The following PPFIA2 variants were observed in gnomAD, a reference collection of about 807,000 sequenced individuals.
The protein encoded by PPFIA2 is liprin-alpha-2.
PPFIA2 carries 46 observed loss-of-function variants against 175.5 expected under a neutral mutation model. The observed-to-expected ratio is 0.26, with a 90% CI of 0.21 to 0.34. The LOEUF (loss-of-function observed/expected upper bound fraction) is 0.34. Among genes scored for constraint, PPFIA2 ranks in the 10% least tolerant of loss-of-function variants. PPFIA2 has a pLI of 1.00. For missense variants in PPFIA2, 1,179 were observed against 1,506.1 expected, an observed-to-expected ratio of 0.78 and a Z score of 3.60; for synonymous variants, 568 against 511.4, an observed-to-expected ratio of 1.11 and a Z score of -1.49.
intron 3 of PPFIA2, among the ~76,000 whole-genome samples, chr12:81,678,707 G>A (rs922981917): frequency 6.6e-6 from 1 of 151,950 alleles, no homozygotes; most frequent in South Asian, 2.1e-4. Flanking sequence ...AGAGAATTAA[G>A]GCAATATAGA....
intron 3 of PPFIA2, among the ~76,000 whole-genome samples, chr12:81,687,776 T>C (rs1456157990): frequency 6.6e-6 from 1 of 151,824 alleles, no homozygotes; most frequent in Non-Finnish European, 1.5e-5. Flanking sequence ...ATAATTAATA[T>C]TAATTTTAAT....
At chr12:81,300,865 A>T (rs1229517792) in intron 22 of PPFIA2, among the ~76,000 whole-genome samples, 1 of 152,158 alleles carries the variant, frequency 6.6e-6, no homozygotes, top group African/African-American at 2.4e-5. Context: ...GTACTTATTG[A>T]ACACCTGTTG....
At chr12:81,431,676 C>T (rs1459665922) in intron 7 of PPFIA2, among the ~76,000 whole-genome samples, 1 of 152,130 alleles carries the variant, frequency 6.6e-6, no homozygotes, top group African/African-American at 2.4e-5. Context: ...CTTTTAAGAT[C>T]ATGAAGATTC....
intron 7 of PPFIA2, among the ~76,000 whole-genome samples, chr12:81,417,033 A>C (rs956522921): frequency 2.0e-5 from 3 of 151,810 alleles, no homozygotes; most frequent in Admixed American, 1.3e-4. Flanking sequence ...ATGTATGCTA[A>C]GAAGTATAAA....
At chr12:81,728,259 T>A (rs1168231895) in intron 3 of PPFIA2, among the ~76,000 whole-genome samples, 1 of 151,414 alleles carries the variant, frequency 6.6e-6, no homozygotes, top group East Asian at 1.9e-4. Flanking sequence ...AGGCTAAGAA[T>A]GGTTGAGAGT....
At chr12:81,525,794 C>T (rs1336755427) in intron 4 of PPFIA2, among the ~76,000 whole-genome samples, 1 of 152,130 alleles carries the variant, frequency 6.6e-6, no homozygotes, top group Non-Finnish European at 1.5e-5. Context: ...AAAACTGTTG[C>T]TCATCAGTGA....
chr12:81,295,366 A>T (rs534934806), intron 23 of PPFIA2, among the ~76,000 whole-genome samples: 10 of 152,358 alleles, frequency 6.6e-5, no homozygotes, highest in African/African-American at 2.4e-4. Context: ...GAACGGCTAC[A>T]AGCCACATTT....
chr12:81,267,936 TA>T lies in PPFIA2; in HGVS notation c.3461del (p.Leu1154TyrfsTer58). On this transcript the variant is annotated frameshift_variant, in exon 29 of 33. Transcript: ENST00000549396. LOFTEE classifies it high-confidence loss of function. ...CCTGGGTGTTCTGTGTTGGAATCTG[TA>T]ATAATAAAGCTAAGCTGCTGTAGTC... ...NFDYSSLALL[L>X]QIPTQNTQAR... 6.3e-7 allele frequency: 1 copy of T among 1,597,142 alleles called. No individual in the cohort carries two copies. The highest frequency in any genetic ancestry group is 2.3e-5 in the East Asian group (1 of 44,438).
At chr12:81,532,895 G>GT (rs1179609663) in intron 4 of PPFIA2, among the ~76,000 whole-genome samples, 8 of 151,740 alleles carry the variant, frequency 5.3e-5, no homozygotes, top group Admixed American at 5.3e-4. Flanking sequence ...AACTGAAGCA[G>GT]TTTTTCACTG....
intron 4 of PPFIA2, among the ~76,000 whole-genome samples, chr12:81,541,772 T>C (rs1282042667): frequency 6.6e-6 from 1 of 152,018 alleles, no homozygotes; most frequent in Non-Finnish European, 1.5e-5. Context: ...TCCTCAGGAG[T>C]TGACTTGTTC....
intron 4 of PPFIA2, among the ~76,000 whole-genome samples, chr12:81,504,017 G>T (rs559886514): frequency 6.6e-6 from 1 of 152,066 alleles, no homozygotes; most frequent in East Asian, 1.9e-4. Context: ...AAGTTAGACA[G>T]TGATATATTG....
rs1024853807 is a variant in PPFIA2, at chr12:81,579,709, C to CTGA, written c.303+97079_303+97081dup. ...CTTTCTAAAATATAATTATTTATAA[C>CTGA]TGAAGGAAGGCTCTGTGAATATTTA... On this transcript the variant is annotated intron_variant, in intron 4 of 32. Transcript: ENST00000549396. Among the ~76,000 whole-genome samples, 17 of 151,972 alleles carry CTGA rather than the reference C, an allele frequency of 1.1e-4. No individual in the cohort carries two copies. In the East Asian group the frequency reaches 3.1e-3, roughly 28 times the overall value.
chr12:81,755,378 C>T (rs1282413472), intron 2 of PPFIA2, among the ~76,000 whole-genome samples: 3 of 152,098 alleles, frequency 2.0e-5, no homozygotes, highest in Non-Finnish European at 4.4e-5. Context: ...CTTGGTTTTG[C>T]AAAAGGCTGA....
intron 4 of PPFIA2, among the ~76,000 whole-genome samples, chr12:81,487,084 C>T (rs951331780): frequency 5.9e-5 from 9 of 151,992 alleles, no homozygotes; most frequent in South Asian, 2.1e-4. Flanking sequence ...AAGAAAAACA[C>T]GTGATCATGC....
chr12:81,380,851 AC>A (rs1379077808), intron 9 of PPFIA2, among the ~76,000 whole-genome samples: 17 of 151,990 alleles, frequency 1.1e-4, no homozygotes, highest in African/African-American at 4.1e-4. Context: ...CATGTAATAC[AC>A]CCGTAATAGT....
intron 6 of PPFIA2, 137 bp downstream of exon 6, chr12:81,445,419 A>T (rs906864036): frequency 1.3e-6 from 1 of 748,056 alleles, no homozygotes; most frequent in African/African-American, 1.8e-5. Context: ...ACTTTTAAAA[A>T]ATGATTTTTC....
chr12:81,430,903 C>T (rs2047989067), intron 7 of PPFIA2: 2 of 152,086 alleles, frequency 1.3e-5, no homozygotes, highest in African/African-American at 4.8e-5. Flanking sequence ...GTGAATATTA[C>T]TTAATACGCC....
intron 4 of PPFIA2, among the ~76,000 whole-genome samples, chr12:81,478,793 G>A (rs1192052449): frequency 6.6e-6 from 1 of 152,030 alleles, no homozygotes; most frequent in African/African-American, 2.4e-5. Flanking sequence ...GGTTTGTTAT[G>A]ATTTCCTTTC....
At chr12:81,539,657 A>C (rs1167416865) in intron 4 of PPFIA2, among the ~76,000 whole-genome samples, 3 of 151,890 alleles carry the variant, frequency 2.0e-5, no homozygotes, top group Non-Finnish European at 4.4e-5. Flanking sequence ...GGGCAGTAGA[A>C]TTTGGGGTAA....
Sources: gnomAD v4.1 joint callset for allele counts (sites outside exome capture counted in the v4.1 genomes callset) on GRCh38, gnomAD v4.1.1 for gene constraint, MANE v1.5 for transcripts, NCBI Gene and HGNC (gene_info 2026-07-23, HGNC 2026-07-21) for gene names.